The following CCDC33 variants were observed in gnomAD, a reference collection of about 807,000 sequenced individuals.
CCDC33 encodes coiled-coil domain-containing protein 33.
A neutral mutation model predicts 91.9 loss-of-function variants in CCDC33; 94 were observed. The observed-to-expected ratio is 1.02, with a 90% CI of 0.87 to 1.21. CCDC33 has a LOEUF of 1.21. Ranked by LOEUF, CCDC33 falls within the 50% of genes most tolerant of loss-of-function variation. The pLI, the probability that CCDC33 is intolerant of heterozygous loss-of-function variation, is 0.00. For synonymous variants in CCDC33, 396 were observed against 374.5 expected (o/e 1.06, Z -0.66); for missense variants, 940 against 935.5 (o/e 1.00, Z -0.06).
chr15:74,305,254 G>C (rs1596077279), intron 11 of CCDC33, among the ~76,000 whole-genome samples: 1 of 151,952 alleles, frequency 6.6e-6, no homozygotes, highest in East Asian at 1.9e-4. Context: ...GCCTAAACCT[G>C]CTTCTGAGGA....
At chr15:74,274,721 G>T (rs2076406782) in intron 7 of CCDC33, among the ~76,000 whole-genome samples, 1 of 152,222 alleles carries the variant, frequency 6.6e-6, no homozygotes, top group Non-Finnish European at 1.5e-5. Flanking sequence ...GCTTTAATGA[G>T]TGTGCCCCCT....
At chr15:74,317,757 G>C (rs1328843772) in intron 11 of CCDC33, among the ~76,000 whole-genome samples, 2 of 152,170 alleles carry the variant, frequency 1.3e-5, no homozygotes, top group African/African-American at 4.8e-5. Context: ...GTTCAGCTGG[G>C]GAAAGGCAGG....
Position 74,209,305 on chromosome 15 carries a change from T to C in CCDC33, n.90-83T>C. The C allele has an allele frequency of 2.8e-6, 4 of 1,448,254 alleles. No individual in the cohort carries two copies. In the South Asian group the frequency reaches 4.9e-5, roughly 18 times the overall value. 89.7% of individuals were successfully genotyped at this position (1,448,254 alleles called of 1,614,324 possible). ...TGGAGAAGCCTGCACAGGGCTTTGA[T>C]GGCTGAGTTTCCCCAGATGTGGCCT... is the stretch of plus-strand genomic sequence containing the variant. On this transcript the variant is annotated intron_variant and non_coding_transcript_variant, in intron 1 of 3. Transcript: ENST00000558645.
chr15:74,268,242 A>G, intron 4 of CCDC33, 100 bp from the exon 5 acceptor site: 1 of 829,794 alleles, frequency 1.2e-6, no homozygotes. Flanking sequence ...CCAGCGGAGC[A>G]ATGCCAAGTG....
intron 11 of CCDC33, among the ~76,000 whole-genome samples, chr15:74,296,400 G>A (rs529704538): frequency 1.3e-5 from 2 of 152,178 alleles, no homozygotes; most frequent in South Asian, 2.1e-4. Context: ...CAAGGCGGGC[G>A]GGTCACCCGA....
At chr15:74,203,295 A>C in intron 1 of CCDC33, 6 of 789,936 alleles carry the variant, frequency 7.6e-6, no homozygotes, top group Non-Finnish European at 9.2e-6. Context: ...AACCAGACCC[A>C]CGGGTAGGCA....
intron 2 of CCDC33, chr15:74,221,233 T>TTG: frequency 1.0e-6 from 1 of 979,038 alleles, no homozygotes. Context: ...TTTTTTTTTT[T>TTG]TTTTTTTTTT....
chr15:74,335,133 A>T, intron 18 of CCDC33, 45 bp downstream of exon 18: 1 of 1,463,066 alleles, frequency 6.8e-7, no homozygotes, highest in South Asian at 1.1e-5. Context: ...CAGGTGGTGG[A>T]GCAGGAAGCC....
chr15:74,224,355 C>G (rs2074716852), intron 2 of CCDC33, among the ~76,000 whole-genome samples: 1 of 152,200 alleles, frequency 6.6e-6, no homozygotes, highest in South Asian at 2.1e-4. Context: ...GAAGGAGAGC[C>G]CAGAGGTCCT....
intron 1 of CCDC33, chr15:74,208,783 A>G: frequency 1.0e-6 from 1 of 988,702 alleles, no homozygotes; most frequent in Non-Finnish European, 1.2e-6. Flanking sequence ...GGCCTCCCAG[A>G]CTTGGCTCCA....
chr15:74,206,218 C>A (rs906293281), intron 1 of CCDC33, among the ~76,000 whole-genome samples: 2 of 152,316 alleles, frequency 1.3e-5, no homozygotes, highest in Admixed American at 1.3e-4. Context: ...CCTGCCCCCT[C>A]CTGGCCCCCA....
intron 2 of CCDC33, among the ~76,000 whole-genome samples, chr15:74,245,445 C>G (rs982576671): frequency 6.6e-6 from 1 of 152,226 alleles, no homozygotes; most frequent in African/African-American, 2.4e-5. Context: ...TGGGAGCAGG[C>G]TTGGCAGGGA....
chr15:74,283,814 A>ACACACCC (rs1394832355), intron 10 of CCDC33, among the ~76,000 whole-genome samples: 3 of 151,980 alleles, frequency 2.0e-5, no homozygotes, highest in African/African-American at 7.2e-5. Context: ...ACACACACAC[A>ACACACCC]CACACCCCCT....
intron 1 of CCDC33, among the ~76,000 whole-genome samples, chr15:74,242,908 T>G (rs1195120575): frequency 6.6e-6 from 1 of 152,124 alleles, no homozygotes; most frequent in Non-Finnish European, 1.5e-5. Flanking sequence ...CTGCCTTCGC[T>G]CCAGTGTTCT....
At position 74,279,992 on chromosome 15, in the gene CCDC33, G is replaced by T; in HGVS notation, c.789G>T (p.Gln263His). The change falls in exon 8 of 19, where the codon CAG becomes CAT. Residue 263 changes from glutamine to histidine, a missense_variant. Physicochemically the swap from Gln to His is conservative, Grantham distance 24 (BLOSUM62 0). Coordinates refer to ENST00000398814, the MANE Select transcript of CCDC33 (RefSeq NM_025055.5). ...CCAAGCCTGGGGGACCCCCAGAGCA[G>T]CCCCTGTGGAATCAGTCCTTCCTCT... ...QLSKPGGPPE[Q>H]PLWNQSFLFQ... 2 of 1,614,132 alleles carry T rather than the reference G, an allele frequency of 1.2e-6. No homozygotes were observed. The highest frequency in any genetic ancestry group is 1.7e-6 in the Non-Finnish European group (2 of 1,179,998).
upstream of CCDC33, among the ~76,000 whole-genome samples, chr15:74,215,785 C>T (rs113271412): frequency 2.0e-5 from 3 of 151,216 alleles, no homozygotes; most frequent in Admixed American, 2.0e-4. Context: ...GCAGGAGAAT[C>T]GCTTGAACCC....
chr15:74,234,638 C>T (rs975193392), upstream of CCDC33, among the ~76,000 whole-genome samples: 2 of 152,160 alleles, frequency 1.3e-5, no homozygotes, highest in Non-Finnish European at 2.9e-5. Context: ...TGGAGCCAGA[C>T]GGCCTGGAAC....
chr15:74,247,383 C>T (rs200670887), intron 2 of CCDC33, among the ~76,000 whole-genome samples: 82 of 151,092 alleles, frequency 5.4e-4, no homozygotes, highest in Middle Eastern at 3.4e-3. Flanking sequence ...CACACACACA[C>T]ACACACACAC....
intron 10 of CCDC33, among the ~76,000 whole-genome samples, chr15:74,287,530 G>A (rs755491208): frequency 5.9e-5 from 9 of 152,178 alleles, no homozygotes; most frequent in East Asian, 1.9e-4. Flanking sequence ...AGAGCTGGGC[G>A]TGGTGGCTCT....
Sources: allele counts gnomAD v4.1 joint callset (sites outside exome capture counted in the v4.1 genomes callset), GRCh38; gene constraint gnomAD v4.1.1; transcripts MANE v1.5; gene names NCBI Gene and HGNC (gene_info 2026-07-23, HGNC 2026-07-21).